The following DDX60 variants were observed in gnomAD, a reference collection of about 807,000 sequenced individuals.
DDX60 encodes the protein DExD/H-box helicase 60.
In DDX60, 165 loss-of-function variants were observed where a neutral mutation model predicts 212.8. The observed-to-expected ratio is 0.78, with a 90% confidence interval of 0.68 to 0.88. DDX60 has a LOEUF of 0.88. Among genes scored for constraint, DDX60 ranks in the 40% least tolerant of loss-of-function variants. The pLI is 0.00. For synonymous variants in DDX60, 703 were observed against 685.3 expected (o/e 1.03, Z -0.40); for missense variants, 1,905 against 2,003.9 (o/e 0.95, Z 0.94).
intron 34 of DDX60, among the ~76,000 whole-genome samples, 184 bp downstream of exon 34, chr4:168,225,345 T>C (rs1560810433): frequency 6.6e-6 from 1 of 152,100 alleles, no homozygotes; most frequent in Non-Finnish European, 1.5e-5. Context: ...CCTACTTAGT[T>C]TGTCTCTTTT....
At chr4:168,302,617 T>C (rs546428221) in intron 5 of DDX60, among the ~76,000 whole-genome samples, 1 of 152,358 alleles carries the variant, frequency 6.6e-6, no homozygotes, top group East Asian at 1.9e-4. Context: ...CCTAGGAATA[T>C]AGCGTATTTT....
chr4:168,254,891 T>C (rs1444920626), intron 26 of DDX60, among the ~76,000 whole-genome samples: 1 of 152,156 alleles, frequency 6.6e-6, no homozygotes, highest in African/African-American at 2.4e-5. Flanking sequence ...TGGTAGGAAG[T>C]GAGACTGATC....
chr4:168,229,241 TG>T (rs1733363144), intron 33 of DDX60, among the ~76,000 whole-genome samples: 1 of 152,058 alleles, frequency 6.6e-6, no homozygotes, highest in South Asian at 2.1e-4. Context: ...ATATCATCAA[TG>T]GGGAAACTGA....
At chr4:168,233,495 T>A (rs10019945) in intron 33 of DDX60, among the ~76,000 whole-genome samples, 4,158 of 152,142 alleles carry the variant, frequency 0.027, 195 homozygotes, top group African/African-American at 0.094. Context: ...AAAGAAAATG[T>A]GGTACATATG....
intron 14 of DDX60, among the ~76,000 whole-genome samples, chr4:168,278,377 T>C (rs1409524125): frequency 6.6e-6 from 1 of 152,202 alleles, no homozygotes; most frequent in Non-Finnish European, 1.5e-5. Context: ...GAAAATATTT[T>C]CCAGGTGATG....
At chr4:168,297,734 T>C (rs1736467923) in intron 6 of DDX60, among the ~76,000 whole-genome samples, 1 of 114,192 alleles carries the variant, frequency 8.8e-6, no homozygotes, top group Non-Finnish European at 1.8e-5. Context: ...CAAAAGCTCA[T>C]TTCTAATAAA....
At chr4:168,307,015 A>T (rs1021915551) in intron 4 of DDX60, among the ~76,000 whole-genome samples, 1 of 152,234 alleles carries the variant, frequency 6.6e-6, no homozygotes, top group Non-Finnish European at 1.5e-5. Flanking sequence ...TTTCAGAAAG[A>T]AAAAGAACAG....
intron 3 of DDX60, among the ~76,000 whole-genome samples, chr4:168,309,223 T>G (rs1288923125): frequency 6.6e-6 from 1 of 152,200 alleles, no homozygotes; most frequent in Non-Finnish European, 1.5e-5. Context: ...TTTTCCATCA[T>G]GTTTATTGCA....
chr4:168,222,340 G>A (rs1733090912), intron 35 of DDX60, among the ~76,000 whole-genome samples: 1 of 152,082 alleles, frequency 6.6e-6, no homozygotes, highest in South Asian at 2.1e-4. Flanking sequence ...AAGAAGAAAA[G>A]TAAAAAGAAG....
rs780015636 is a variant in DDX60 at position 168,273,334 on chromosome 4, TCAC to T, written c.2516_2518del (p.Gly839del). The stretch of plus-strand genomic sequence containing the variant: ...CCTGGTGAAAACACCACAGAGAACT[TCAC>T]CACTTGGCAGATTTTTCGTAAAACG... On this transcript the variant is annotated inframe_deletion, in exon 18 of 38. Transcript: ENST00000393743. The T allele has an allele frequency of 9.9e-6, 16 of 1,613,940 alleles. No individual in the cohort carries two copies. The East Asian group carries it at 3.6e-4, about 36-fold the overall frequency.
At position 168,225,524 on chromosome 4, in the gene DDX60, C is replaced by T; in HGVS notation, c.4681+5G>A. On this transcript the variant is annotated splice_donor_5th_base_variant and intron_variant, in intron 34 of 37. Coordinates refer to ENST00000393743, the MANE Select transcript of DDX60 (RefSeq NM_017631.6). ...TGTTCCACAATGGAGGTAAAATATA[C>T]TTACTGATTTTTGACAATGGGAGTT... 2 of 1,601,244 alleles carry T rather than the reference C, an allele frequency of 1.2e-6. No homozygotes were observed. Among genetic ancestry groups the T allele is most frequent in the Non-Finnish European group, 1.7e-6 (2 of 1,175,182 alleles).
chr4:168,312,995 C>T (rs998790284), intron 1 of DDX60, among the ~76,000 whole-genome samples: 1 of 152,174 alleles, frequency 6.6e-6, no homozygotes, highest in Non-Finnish European at 1.5e-5. Flanking sequence ...AGTATCTACA[C>T]TTTACAAAAC....
chr4:168,236,442 A>G, intron 32 of DDX60, 69 bp from the exon 33 acceptor site: 1 of 1,355,784 alleles, frequency 7.4e-7, no homozygotes, highest in Non-Finnish European at 1.0e-6. Flanking sequence ...GTTTAAATGG[A>G]ATGTCATATT....
At chr4:168,247,718 T>A (rs949207807) in intron 29 of DDX60, among the ~76,000 whole-genome samples, 8 of 152,082 alleles carry the variant, frequency 5.3e-5, no homozygotes, top group African/African-American at 9.7e-5. Flanking sequence ...AAGGCAAAAA[T>A]CAAATACCTC....
rs1173300771 is a variant in DDX60 at position 168,306,508 on chromosome 4, G to C, written c.477C>G (p.Asn159Lys). 6.2e-7 allele frequency: 1 copy of C among 1,614,172 alleles called. No individual in the cohort carries two copies. The highest frequency in any genetic ancestry group is 8.5e-7 in the Non-Finnish European group (1 of 1,180,012). The change falls in exon 5 of 38, where the codon AAC becomes AAG. Residue 159 changes from asparagine to lysine, a missense_variant. Transcript: ENST00000393743. ...TTGCCCAAGAATGAATGATTAAAAA[G>C]TTGAAAAGCTGTGTTTGTAGATCGT... The part of the protein sequence containing the change: ...GLNDLQTQLF[N>K]FLIIHSWARK...
chr4:168,263,381 A>T (rs1015040865), intron 22 of DDX60: 3 of 152,190 alleles, frequency 2.0e-5, no homozygotes, highest in African/African-American at 4.8e-5. Context: ...GAAATAAAAA[A>T]TTCCTGTTCT....
intron 37 of DDX60, among the ~76,000 whole-genome samples, 176 bp from the exon 38 acceptor site, chr4:168,217,208 T>A (rs1732878962): frequency 6.6e-6 from 1 of 152,138 alleles, no homozygotes; most frequent in Non-Finnish European, 1.5e-5. Context: ...GTATAAAAAA[T>A]TTAAGAAAAG....
At chr4:168,306,826 T>A in intron 4 of DDX60, 106 bp from the exon 5 acceptor site, 1 of 830,388 alleles carries the variant, frequency 1.2e-6, no homozygotes, top group Non-Finnish European at 1.9e-6. Context: ...CCAACAGTTT[T>A]GTTCTGTCTG....
At chr4:168,219,208 C>T (rs1327071024) in intron 37 of DDX60, among the ~76,000 whole-genome samples, 1 of 151,412 alleles carries the variant, frequency 6.6e-6, no homozygotes, top group Non-Finnish European at 1.5e-5. Context: ...AGGAGAATTG[C>T]TTGAACCTGG....
Sources: allele counts gnomAD v4.1 joint callset (sites outside exome capture counted in the v4.1 genomes callset), GRCh38; gene constraint gnomAD v4.1.1; transcripts MANE v1.5; gene names NCBI Gene and HGNC (gene_info 2026-07-23, HGNC 2026-07-21).